Variants in FRMD5 observed in about 807,000 individuals in gnomAD.
The protein encoded by FRMD5 is FERM domain containing 5.
FRMD5 carries 20 observed loss-of-function variants against 69.0 expected under a neutral mutation model. The ratio of observed to expected loss-of-function variants is 0.29; its 90% CI spans 0.20 to 0.42. The LOEUF is 0.42. Among genes scored for constraint, FRMD5 ranks in the 10% least tolerant of loss-of-function variants. FRMD5 has a pLI of 1.00. For missense variants in FRMD5, 595 were observed against 708.6 expected, an observed-to-expected ratio of 0.84 and a Z score of 1.82; for synonymous variants, 271 against 260.1, an observed-to-expected ratio of 1.04 and a Z score of -0.40.
intron 1 of FRMD5, among the ~76,000 whole-genome samples, chr15:44,078,772 C>T (rs555797971): frequency 7.2e-5 from 11 of 152,094 alleles, no homozygotes; most frequent in African/African-American, 2.6e-4. Context: ...ATACAATATA[C>T]AAAAATTAAT....
chr15:43,942,664 G>A (rs2089881509), intron 1 of FRMD5, among the ~76,000 whole-genome samples: 1 of 152,142 alleles, frequency 6.6e-6, no homozygotes, highest in Non-Finnish European at 1.5e-5. Flanking sequence ...TACTATCAAT[G>A]ACAACACATA....
chr15:43,952,791 G>C (rs913980198), intron 1 of FRMD5, among the ~76,000 whole-genome samples: 11 of 152,198 alleles, frequency 7.2e-5, no homozygotes, highest in African/African-American at 2.7e-4. Context: ...CTGGAACTCT[G>C]GAATAATCCA....
chr15:44,040,981 G>C, intron 1 of FRMD5, among the ~76,000 whole-genome samples: 1 of 58,968 alleles, frequency 1.7e-5, no homozygotes, highest in Admixed American at 2.7e-4. Flanking sequence ...ATTTACCAAG[G>C]AAATGGAAAG....
intron 1 of FRMD5, among the ~76,000 whole-genome samples, chr15:44,102,000 A>G (rs771185561): frequency 5.3e-5 from 8 of 152,234 alleles, no homozygotes; most frequent in Non-Finnish European, 1.0e-4. Context: ...GTTGAAAGCC[A>G]TGTAATTTAT....
chr15:44,074,760 T>C (rs2140423763), intron 1 of FRMD5, among the ~76,000 whole-genome samples: 1 of 152,326 alleles, frequency 6.6e-6, no homozygotes, highest in African/African-American at 2.4e-5. Context: ...CTAGCTGCTA[T>C]GGAAGGTCTA....
chr15:44,047,743 C>T (rs58234210), intron 1 of FRMD5, among the ~76,000 whole-genome samples: 4 of 152,288 alleles, frequency 2.6e-5, no homozygotes, highest in South Asian at 2.1e-4. Flanking sequence ...TCCCTACCAA[C>T]GCCTGGCAAC....
intron 1 of FRMD5, among the ~76,000 whole-genome samples, chr15:44,088,466 A>C (rs977570769): frequency 1.3e-5 from 2 of 152,190 alleles, no homozygotes; most frequent in Non-Finnish European, 2.9e-5. Flanking sequence ...TATTTAAGTA[A>C]TATCAGGACT....
upstream of FRMD5, among the ~76,000 whole-genome samples, chr15:44,198,806 C>A (rs1342860639): frequency 6.6e-6 from 1 of 152,136 alleles, no homozygotes; most frequent in African/African-American, 2.4e-5. Flanking sequence ...TAATAAAAGG[C>A]CTTATTTGCC....
chr15:43,929,303 G>T (rs879393318), intron 1 of FRMD5, among the ~76,000 whole-genome samples: 2 of 152,144 alleles, frequency 1.3e-5, no homozygotes, highest in Non-Finnish European at 2.9e-5. Flanking sequence ...ATATCCATGG[G>T]CAGGAGAGGA....
At chr15:43,944,692 C>A (rs1388635047) in intron 1 of FRMD5, among the ~76,000 whole-genome samples, 1 of 152,042 alleles carries the variant, frequency 6.6e-6, no homozygotes, top group Non-Finnish European at 1.5e-5. Context: ...TGGGTTCAAG[C>A]GATTCTCCTG....
Position 44,195,198 on chromosome 15 carries a change from G to A in FRMD5, c.-144C>T. On this transcript the variant is annotated 5_prime_UTR_variant, in exon 1 of 14. The change creates a new upstream start codon in the 5' untranslated region. Coordinates refer to ENST00000417257, the MANE Select transcript of FRMD5 (RefSeq NM_032892.5). ...GCTGCCGTTGCCTCCTGCTGGCCTC[G>A]TTCCTCCTCCTTATCCTCCTCCTTC... The A allele has an allele frequency of 6.7e-6, 4 of 593,898 alleles. No homozygotes were observed. The highest frequency in any genetic ancestry group is 1.1e-5 in the Non-Finnish European group (4 of 349,674). 36.8% of individuals were successfully genotyped at this position (593,898 alleles called of 1,614,324 possible).
intron 1 of FRMD5, among the ~76,000 whole-genome samples, chr15:44,184,766 G>T (rs967719509): frequency 6.6e-6 from 1 of 151,618 alleles, no homozygotes; most frequent in Non-Finnish European, 1.5e-5. Context: ...TTCAGAAAGT[G>T]AAAAAAAAGT....
intron 1 of FRMD5, among the ~76,000 whole-genome samples, chr15:44,116,100 A>T (rs2076864248): frequency 6.6e-6 from 1 of 152,076 alleles, no homozygotes; most frequent in African/African-American, 2.4e-5. Context: ...AACCAGGGGA[A>T]GGAGTGCGAT....
In FRMD5 at chr15:44,019,781, AAAAG is replaced by A. The variant is rs1382837168; in HGVS notation, c.103-95476_103-95473del. On this transcript the variant is annotated intron_variant, in intron 1 of 13. Coordinates refer to ENST00000417257, the MANE Select transcript of FRMD5 (RefSeq NM_032892.5). ...AAAAAAGGAAAAGAAAAGAAAAGAAAAAAGAAAGAAAGAAAAAAAAGAACAAGCA... is the reference window on the plus strand; with the variant it reads ...AAAAAAGGAAAAGAAAAGAAAAGAAAAAAGAAAGAAAAAAAAGAACAAGCA... Among the ~76,000 whole-genome samples, 8 of 151,032 alleles carry A rather than the reference AAAAG, an allele frequency of 5.3e-5. No individual in the cohort carries two copies. The East Asian group carries it at 5.8e-4, about 11-fold the overall frequency.
chr15:44,154,526 A>G (rs2077496882), intron 1 of FRMD5, among the ~76,000 whole-genome samples: 2 of 152,222 alleles, frequency 1.3e-5, no homozygotes, highest in Admixed American at 1.3e-4. Context: ...ATAGTTATTT[A>G]TGATTTATAA....
chr15:43,939,263 G>A (rs141562143), intron 1 of FRMD5, among the ~76,000 whole-genome samples: 1 of 152,254 alleles, frequency 6.6e-6, no homozygotes, highest in African/African-American at 2.4e-5. Context: ...TCCCCCAGAT[G>A]GGGGAGCTGA....
At chr15:44,143,981 C>G (rs79307185) in intron 1 of FRMD5, among the ~76,000 whole-genome samples, 11,453 of 148,066 alleles carry the variant, frequency 0.077, 1,297 homozygotes, top group African/African-American at 0.24. Flanking sequence ...AGCTCTATTT[C>G]TTGACTGTAA....
intron 1 of FRMD5, among the ~76,000 whole-genome samples, chr15:44,029,083 T>C (rs1463384428): frequency 6.6e-6 from 1 of 152,082 alleles, no homozygotes; most frequent in Non-Finnish European, 1.5e-5. Context: ...AAGGAATGAA[T>C]AAGAGGCCAT....
chr15:44,005,692 T>C (rs1043691171), intron 1 of FRMD5, among the ~76,000 whole-genome samples: 3 of 151,952 alleles, frequency 2.0e-5, no homozygotes, highest in African/African-American at 4.8e-5. Context: ...GGGAAGGTGC[T>C]ACACACTTTT....
Sources: allele counts gnomAD v4.1 joint callset (sites outside exome capture counted in the v4.1 genomes callset), GRCh38; gene constraint gnomAD v4.1.1; transcripts MANE v1.5; gene names NCBI Gene and HGNC (gene_info 2026-07-23, HGNC 2026-07-21).